The following CNNM2 variants were observed in gnomAD, a reference collection of about 807,000 sequenced individuals.
The protein encoded by CNNM2 is metal transporter CNNM2.
In CNNM2, 12 loss-of-function variants were observed where a neutral mutation model predicts 66.9. That is an observed-to-expected ratio of 0.18 (90% confidence interval 0.11 to 0.29). CNNM2 has a LOEUF of 0.29. Among genes scored for constraint, CNNM2 ranks in the 10% least tolerant of loss-of-function variants. The probability of loss-of-function intolerance (pLI) is 1.00; values close to 1 mark genes in which losing one functional copy is unlikely to be tolerated. For synonymous variants in CNNM2, 557 were observed against 501.8 expected, an observed-to-expected ratio of 1.11 and a Z score of -1.47; for missense variants, 705 against 1,167.7, an observed-to-expected ratio of 0.60 and a Z score of 5.77.
At chr10:103,003,162 G>A (rs1049139112) in intron 1 of CNNM2, among the ~76,000 whole-genome samples, 1 of 150,914 alleles carries the variant, frequency 6.6e-6, no homozygotes, top group African/African-American at 2.4e-5. Context: ...GCCCAGGCTG[G>A]AGTGCAGTGG....
At chr10:103,047,614 ACT>A (rs747561100) in intron 1 of CNNM2, among the ~76,000 whole-genome samples, 15 of 152,166 alleles carry the variant, frequency 9.9e-5, no homozygotes, top group African/African-American at 1.4e-4. Flanking sequence ...AACTCTCTGT[ACT>A]CTCTTTGCAA....
intron 1 of CNNM2, among the ~76,000 whole-genome samples, chr10:103,003,116 CTT>C (rs34041397): frequency 1.4e-5 from 2 of 142,002 alleles, no homozygotes; most frequent in Admixed American, 7.1e-5. Flanking sequence ...ATGTGTGAAT[CTT>C]TTTTTTTTTT....
At chr10:102,992,680 T>G (rs1045329418) in intron 1 of CNNM2, among the ~76,000 whole-genome samples, 1 of 152,134 alleles carries the variant, frequency 6.6e-6, no homozygotes, top group Non-Finnish European at 1.5e-5. Flanking sequence ...TACTTGTGAA[T>G]GGGAATGTGA....
At chr10:103,049,218 A>G (rs912938370) in intron 1 of CNNM2, among the ~76,000 whole-genome samples, 4 of 152,190 alleles carry the variant, frequency 2.6e-5, no homozygotes, top group African/African-American at 4.8e-5. Flanking sequence ...AGTGTTCACT[A>G]AGTGCAGCTT....
chr10:102,976,617 T>G (rs2063637089), intron 1 of CNNM2, among the ~76,000 whole-genome samples: 1 of 76,946 alleles, frequency 1.3e-5, no homozygotes, highest in Non-Finnish European at 2.7e-5. Flanking sequence ...GGTAATTTTT[T>G]TTTTTTTTTT....
In CNNM2 at chr10:103,078,856, A is replaced by C. The variant is rs2065728614; in HGVS notation, c.*1676A>C. The stretch of plus-strand genomic sequence containing the variant: ...GTGTGCGGGGCAGGGAGCGTGGCTG[A>C]GGAGCAGACAGCAGCGGGCCGGGCT... On this transcript the variant is annotated 3_prime_UTR_variant, in exon 8 of 8. Coordinates refer to ENST00000369878, the MANE Select transcript of CNNM2 (RefSeq NM_017649.5). 1 of 152,502 alleles carries C rather than the reference A, an allele frequency of 6.6e-6. No individual in the cohort carries two copies. The highest frequency in any genetic ancestry group is 2.1e-4 in the South Asian group (1 of 4,836). The allele number at this position is 152,502 out of a possible 1,614,324, so 9.4% of individuals were successfully genotyped here.
rs551704206 is a variant in CNNM2 at position 103,089,335 on chromosome 10, T to G, written c.*12155T>G. ...CCCACTCTTTGTTCCACTCTGAGAC[T>G]CTTTCCTTTTCCTCGTGTATCCAGA... On this transcript the variant is annotated 3_prime_UTR_variant, in exon 8 of 8. Transcript: ENST00000369878. The G allele has an allele frequency of 5.9e-5, 15 of 254,806 alleles. No homozygotes were observed. Among genetic ancestry groups the G allele is most frequent in the Non-Finnish European group, 9.0e-5 (12 of 133,026 alleles). The allele number at this position is 254,806 out of a possible 1,614,324, so 15.8% of individuals were successfully genotyped here.
At chr10:103,062,164 T>C (rs576717371) in intron 4 of CNNM2, among the ~76,000 whole-genome samples, 1 of 152,316 alleles carries the variant, frequency 6.6e-6, no homozygotes, top group East Asian at 1.9e-4. Flanking sequence ...TATGTAGTAA[T>C]GGAAGAAGTG....
At chr10:102,957,632 C>T (rs1847094795) in intron 1 of CNNM2, among the ~76,000 whole-genome samples, 1 of 152,182 alleles carries the variant, frequency 6.6e-6, no homozygotes, top group Non-Finnish European at 1.5e-5. Context: ...CTTTCATAAC[C>T]TTTATCTCAG....
Position 103,049,870 on chromosome 10 carries a change from T to A in CNNM2, c.1765+20T>A. Reference sequence around the variant, plus strand: ...TATACAGTAAGTAGCATTGTCTGAGTGTATTTCCCGAAACCTTTGCTTTTT... The same window carrying A: ...TATACAGTAAGTAGCATTGTCTGAGAGTATTTCCCGAAACCTTTGCTTTTT... On this transcript the variant is annotated intron_variant, in intron 2 of 7. Transcript: ENST00000369878. 4 of 1,608,420 alleles carry A rather than the reference T, an allele frequency of 2.5e-6. No homozygotes were observed. The highest frequency in any genetic ancestry group is 3.4e-6 in the Non-Finnish European group (4 of 1,176,834).
At chr10:103,010,872 C>T (rs1294896037) in intron 1 of CNNM2, among the ~76,000 whole-genome samples, 2 of 152,158 alleles carry the variant, frequency 1.3e-5, no homozygotes, top group Non-Finnish European at 2.9e-5. Context: ...CCCAGCCTCC[C>T]AGGGTGCTGG....
chr10:102,999,144 C>G (rs974660598), intron 1 of CNNM2, among the ~76,000 whole-genome samples: 3 of 151,252 alleles, frequency 2.0e-5, no homozygotes, highest in Non-Finnish European at 4.4e-5. Context: ...GATCTTGGCT[C>G]ACTGCAAGCT....
intron 4 of CNNM2, among the ~76,000 whole-genome samples, chr10:103,058,619 T>C (rs1053626079): frequency 6.6e-6 from 1 of 152,256 alleles, no homozygotes. Flanking sequence ...AAGACATCTA[T>C]GTATATTTAC....
At position 103,071,848 on chromosome 10, in the gene CNNM2, G is replaced by A. The variant is rs977835016; in HGVS notation, c.2233+9G>A. 5 of 1,612,924 alleles carry A rather than the reference G, an allele frequency of 3.1e-6. No homozygotes were observed. Among genetic ancestry groups the A allele is most frequent in the Non-Finnish European group, 2.5e-6 (3 of 1,178,942 alleles). ...AGCAGCAGGTTCTCCAGGTAATTCT[G>A]CATGCTTCCTTTCCGTAATTCTCCT... is the stretch of plus-strand genomic sequence containing the variant. On this transcript the variant is annotated intron_variant, in intron 6 of 7. Coordinates refer to ENST00000369878, the MANE Select transcript of CNNM2 (RefSeq NM_017649.5).
intron 4 of CNNM2, among the ~76,000 whole-genome samples, chr10:103,057,780 C>G (rs2065320228): frequency 6.6e-6 from 1 of 152,160 alleles, no homozygotes; most frequent in Admixed American, 6.5e-5. Context: ...TATAGAGGAA[C>G]TGATAGGATA....
At chr10:103,012,482 C>T (rs1208060823) in intron 1 of CNNM2, among the ~76,000 whole-genome samples, 1 of 152,062 alleles carries the variant, frequency 6.6e-6, no homozygotes, top group African/African-American at 2.4e-5. Flanking sequence ...CCTGATTCTA[C>T]TAAAAATACA....
chr10:102,960,051 C>CA (rs2063354860), intron 1 of CNNM2, among the ~76,000 whole-genome samples: 1 of 146,742 alleles, frequency 6.8e-6, no homozygotes, highest in South Asian at 2.1e-4. Context: ...GACTCTGTCT[C>CA]AAAAAAATAA....
At chr10:102,920,200 T>A in intron 1 of CNNM2, 99 bp downstream of exon 1, 1 of 1,608,392 alleles carries the variant, frequency 6.2e-7, no homozygotes, top group Non-Finnish European at 8.5e-7. Context: ...CAAGGCGAGT[T>A]GACCGGGATT....
Position 102,956,288 on chromosome 10 carries a change from C to CAAA in CNNM2, c.1621+36205_1621+36207dup, listed in dbSNP as rs371126297. Among the ~76,000 whole-genome samples, 833 of 73,886 alleles carry CAAA rather than the reference C, an allele frequency of 0.011. 28 individuals are homozygous for CAAA. Among genetic ancestry groups the CAAA allele is most frequent in the African/African-American group, 0.033 (562 of 17,292 alleles). The allele number at this position is 73,886 out of a possible 152,430, so 48.5% of individuals were successfully genotyped here. A position where few individuals can be genotyped will look rare whatever the true frequency, so the allele number is the denominator to read the frequency against. ...GGGCAATAAGAGCAAGATTCCATCT[C>CAAA]AAAAAAAAAAAAAAAAAAAAGTCAG... On this transcript the variant is annotated intron_variant, in intron 1 of 7. Coordinates refer to ENST00000369878, the MANE Select transcript of CNNM2 (RefSeq NM_017649.5).
Sources: allele counts gnomAD v4.1 joint callset (sites outside exome capture counted in the v4.1 genomes callset), GRCh38; gene constraint gnomAD v4.1.1; transcripts MANE v1.5; gene names NCBI Gene and HGNC (gene_info 2026-07-23, HGNC 2026-07-21).